Variants in SMIM36 observed in about 807,000 individuals in gnomAD.
The protein encoded by SMIM36 is small integral membrane protein 36.
intron 1 of SMIM36, among the ~76,000 whole-genome samples, chr17:55,491,294 A>C (rs1909701668): frequency 6.6e-6 from 1 of 151,608 alleles, no homozygotes. Context: ...AAAATCTTCA[A>C]ATATTAATTA....
chr17:55,496,549 G>A (rs1909810525), intron 1 of SMIM36, among the ~76,000 whole-genome samples: 2 of 152,324 alleles, frequency 1.3e-5, no homozygotes, highest in South Asian at 2.1e-4. Flanking sequence ...AACAGAGGTA[G>A]ATAATAAGTG....
intron 1 of SMIM36, among the ~76,000 whole-genome samples, chr17:55,483,149 A>G (rs1754950947): frequency 6.6e-6 from 1 of 152,216 alleles, no homozygotes. Context: ...CAGCAGAACC[A>G]GGGGGATTTT....
At position 55,471,265 on chromosome 17, in the gene SMIM36, T is replaced by C. The variant is rs117078706; in HGVS notation, c.*348-3937A>G. 9.9e-3 allele frequency among the ~76,000 whole-genome samples: 1,511 copies of C among 152,258 alleles called. 12 individuals carry two copies. Among genetic ancestry groups the C allele is most frequent in the Non-Finnish European group, 0.016 (1,068 of 68,026 alleles). On this transcript the variant is annotated intron_variant, in intron 3 of 4. Transcript: ENST00000636752. ...CCCTTTCTCATGATCTGCTTTCTTT[T>C]CGCCTGTCTGCCTCCCATCTTATTC...
intron 1 of SMIM36, among the ~76,000 whole-genome samples, chr17:55,499,285 GGA>G (rs1319828912): frequency 1.3e-5 from 2 of 152,140 alleles, no homozygotes. Flanking sequence ...TTCTAGCAGA[GGA>G]GAGAGATGGG....
In SMIM36 at chr17:55,500,998, TGTAAC is replaced by T. The variant is rs1266595879; in HGVS notation, c.*174+9876_*174+9880del. Among the ~76,000 whole-genome samples the T allele has an allele frequency of 2.9e-3, 126 of 44,152 alleles. 35 individuals are homozygous for T. Among genetic ancestry groups the T allele is most frequent in the African/African-American group, 7.6e-3 (78 of 10,242 alleles). 29.0% of individuals were successfully genotyped at this position (44,152 alleles called of 152,430 possible). A position where few individuals can be genotyped will look rare whatever the true frequency, so the allele number is the denominator to read the frequency against. On this transcript the variant is annotated intron_variant, in intron 1 of 4. Coordinates refer to ENST00000636752, the Ensembl canonical transcript of SMIM36. ...TTATAATATATTATATATTATAATA[TGTAAC>T]ATATTATTATATTTTGTAATATATA...
At chr17:55,493,862 C>A (rs1470913959) in intron 1 of SMIM36, among the ~76,000 whole-genome samples, 1 of 147,254 alleles carries the variant, frequency 6.8e-6, no homozygotes, top group Non-Finnish European at 1.5e-5. Flanking sequence ...AATTTGGAGC[C>A]AAAGTGGGCA....
At chr17:55,480,543 T>C (rs539365900) in intron 1 of SMIM36, among the ~76,000 whole-genome samples, 2 of 152,304 alleles carry the variant, frequency 1.3e-5, no homozygotes, top group East Asian at 1.9e-4. Flanking sequence ...GGTTGATTTT[T>C]TGGGGGGATG....
chr17:55,465,388 C>T (rs1909218200), intron 4 of SMIM36, among the ~76,000 whole-genome samples: 1 of 152,108 alleles, frequency 6.6e-6, no homozygotes, highest in African/African-American at 2.4e-5. Context: ...GGACTATGAT[C>T]ATGATGAGCA....
intron 1 of SMIM36, among the ~76,000 whole-genome samples, chr17:55,490,158 G>A (rs975496516): frequency 1.3e-5 from 2 of 151,940 alleles, no homozygotes; most frequent in Admixed American, 6.6e-5. Flanking sequence ...CCTGGCCATC[G>A]ATGCGTATTT....
the SMIM36 span, among the ~76,000 whole-genome samples, chr17:55,517,653 T>C: frequency 6.6e-6 from 1 of 152,184 alleles, no homozygotes; most frequent in Non-Finnish European, 1.5e-5. Flanking sequence ...CTCGGGTATA[T>C]GGAGGTATCA....
intron 3 of SMIM36, among the ~76,000 whole-genome samples, chr17:55,477,338 G>A (rs1167876298): frequency 6.6e-6 from 1 of 152,102 alleles, no homozygotes; most frequent in Non-Finnish European, 1.5e-5. Flanking sequence ...GCCTTCTCTG[G>A]CTTCCAGTGT....
chr17:55,529,547 C>G, the SMIM36 span, among the ~76,000 whole-genome samples: 7 of 152,010 alleles, frequency 4.6e-5, no homozygotes, highest in Non-Finnish European at 7.3e-5. Context: ...GCGGGCAGAT[C>G]ACAAGGTCAG....
At chr17:55,481,891 T>A (rs1176398433) in intron 1 of SMIM36, among the ~76,000 whole-genome samples, 1 of 152,016 alleles carries the variant, frequency 6.6e-6, no homozygotes. Flanking sequence ...GAAATGAGGT[T>A]CCACTATGTT....
At chr17:55,498,500 G>A (rs1909848169) in intron 1 of SMIM36, among the ~76,000 whole-genome samples, 1 of 151,028 alleles carries the variant, frequency 6.6e-6, no homozygotes, top group Non-Finnish European at 1.5e-5. Flanking sequence ...GCTGGTAGTG[G>A]CCTCATTTTT....
At chr17:55,474,430 G>A (rs1025206788) in intron 3 of SMIM36, among the ~76,000 whole-genome samples, 9 of 152,272 alleles carry the variant, frequency 5.9e-5, no homozygotes, top group East Asian at 1.9e-4. Context: ...GCAGGCCCCC[G>A]TGGAGGATCA....
At chr17:55,499,089 G>C (rs1426241914) in intron 1 of SMIM36, among the ~76,000 whole-genome samples, 3 of 151,932 alleles carry the variant, frequency 2.0e-5, no homozygotes, top group African/African-American at 7.3e-5. Flanking sequence ...ATTGAGTGAG[G>C]CTTTTCCAGT....
intron 4 of SMIM36, among the ~76,000 whole-genome samples, chr17:55,463,667 A>G (rs1206356161): frequency 6.6e-6 from 1 of 152,222 alleles, no homozygotes; most frequent in Non-Finnish European, 1.5e-5. Flanking sequence ...GTAGACAAAT[A>G]TAATAGGAGA....
intron 1 of SMIM36, among the ~76,000 whole-genome samples, chr17:55,492,087 A>G (rs555902488): frequency 6.6e-6 from 1 of 151,344 alleles, no homozygotes; most frequent in South Asian, 2.1e-4. Context: ...TGAACCAGGG[A>G]GGCAGAGCTT....
At chr17:55,471,444 T>C (rs756973611) in intron 3 of SMIM36, among the ~76,000 whole-genome samples, 4 of 152,056 alleles carry the variant, frequency 2.6e-5, no homozygotes, top group Non-Finnish European at 5.9e-5. Context: ...CTCAGTATAA[T>C]CCTCCATCAA....
Sources: gnomAD v4.1 joint callset for allele counts (sites outside exome capture counted in the v4.1 genomes callset) on GRCh38, gnomAD v4.1.1 for gene constraint, MANE v1.5 for transcripts, NCBI Gene and HGNC (gene_info 2026-07-23, HGNC 2026-07-21) for gene names.